The following IQSEC1 variants were observed in gnomAD, a reference collection of about 807,000 sequenced individuals.
IQSEC1 encodes the protein IQ motif and Sec7 domain ArfGEF 1, also known as IQ motif and SEC7 domain-containing protein 1.
Under a neutral mutation model 91.0 loss-of-function variants are expected in IQSEC1, and 31 were observed. The observed-to-expected ratio is 0.34, with a 90% CI of 0.26 to 0.46. The LOEUF (loss-of-function observed/expected upper bound fraction) is 0.46. IQSEC1 is among the 20% of genes least tolerant of loss of function. The pLI, the probability that IQSEC1 is intolerant of heterozygous loss-of-function variation, is 1.00. For missense variants in IQSEC1, 1,388 were observed against 1,575.6 expected (o/e 0.88, Z 2.02); for synonymous variants, 699 against 662.6 (o/e 1.05, Z -0.84).
intron 9 of IQSEC1, 143 bp from the exon 10 acceptor site, chr3:12,911,871 C>T: frequency 1.5e-6 from 1 of 671,628 alleles, no homozygotes; most frequent in South Asian, 1.6e-5. Context: ...TGGGCTTCCA[C>T]TCCAAGACTC....
At chr3:12,984,094 C>T (rs1701605144) in intron 1 of IQSEC1, among the ~76,000 whole-genome samples, 1 of 152,160 alleles carries the variant, frequency 6.6e-6, no homozygotes, top group Non-Finnish European at 1.5e-5. Flanking sequence ...GGCCATCCTC[C>T]AGCCCCCAAG....
At chr3:13,143,937 C>T (rs1706842394) in intron 2 of IQSEC1, among the ~76,000 whole-genome samples, 1 of 152,210 alleles carries the variant, frequency 6.6e-6, no homozygotes. Context: ...ATTGGGTTTT[C>T]TGTCCCCGGT....
At chr3:13,058,667 G>T (rs999046824) in intron 1 of IQSEC1, among the ~76,000 whole-genome samples, 2 of 152,210 alleles carry the variant, frequency 1.3e-5, no homozygotes, top group African/African-American at 4.8e-5. Flanking sequence ...GTACAAGGGT[G>T]TGCTGGTTTC....
chr3:13,132,373 C>T (rs1031090914), intron 2 of IQSEC1, among the ~76,000 whole-genome samples: 1 of 152,214 alleles, frequency 6.6e-6, no homozygotes, highest in African/African-American at 2.4e-5. Context: ...TCTCTGATTT[C>T]TTTTGGATAG....
At chr3:13,276,144 A>G in intron 1 of IQSEC1, among the ~76,000 whole-genome samples, 1 of 119,700 alleles carries the variant, frequency 8.4e-6, no homozygotes, top group East Asian at 3.1e-4. Context: ...GCTGGAGTGC[A>G]ATGGCGTGAT....
At chr3:12,964,299 TACACAC>T (rs3072719) in intron 1 of IQSEC1, among the ~76,000 whole-genome samples, 11 of 149,740 alleles carry the variant, frequency 7.3e-5, no homozygotes, top group Middle Eastern at 3.4e-3. Flanking sequence ...ATACTCCCCC[TACACAC>T]ACACACACAC....
intron 2 of IQSEC1, among the ~76,000 whole-genome samples, chr3:13,136,911 AG>A (rs1294215966): frequency 6.6e-6 from 1 of 152,206 alleles, no homozygotes; most frequent in African/African-American, 2.4e-5. Flanking sequence ...CCAAAGTAGG[AG>A]GAACACTTGG....
At position 13,097,006 on chromosome 3, in the gene IQSEC1, G is replaced by A. The variant is rs1362427219; in HGVS notation, c.303-49484C>T. On this transcript the variant is annotated intron_variant, in intron 2 of 15. Transcript: ENST00000648114. ...CTCCCAAGTAGCTGGGACTACAGGC[G>A]CCCGCCACCACGCCTGGCTAATTTT... is the stretch of plus-strand genomic sequence containing the variant. Among the ~76,000 whole-genome samples the A allele has an allele frequency of 4.6e-5, 7 of 152,050 alleles. No individual in the cohort carries two copies. In the East Asian group the frequency reaches 5.8e-4, roughly 13 times the overall value.
upstream of IQSEC1, among the ~76,000 whole-genome samples, chr3:13,078,186 C>T (rs1705592809): frequency 6.6e-6 from 1 of 152,122 alleles, no homozygotes; most frequent in African/African-American, 2.4e-5. Context: ...GTCCTGCTCC[C>T]CTGGGGAGAG....
chr3:13,073,573 G>T (rs1017816916), upstream of IQSEC1, among the ~76,000 whole-genome samples: 2 of 151,858 alleles, frequency 1.3e-5, no homozygotes, highest in South Asian at 4.1e-4. Flanking sequence ...GCGCCCTCGC[G>T]GCAAAGTCAC....
intron 1 of IQSEC1, among the ~76,000 whole-genome samples, chr3:13,244,594 T>C (rs1385383303): frequency 6.6e-6 from 1 of 152,166 alleles, no homozygotes; most frequent in Non-Finnish European, 1.5e-5. Flanking sequence ...TCAAAAAATG[T>C]CTGGTTCAGG....
chr3:13,234,333 G>A (rs1234935773), intron 1 of IQSEC1, among the ~76,000 whole-genome samples: 2 of 133,704 alleles, frequency 1.5e-5, no homozygotes, highest in Non-Finnish European at 3.3e-5. Context: ...GTGGGTGTGA[G>A]CCCTGTGTCT....
chr3:13,219,874 C>T (rs1413437401), intron 1 of IQSEC1, among the ~76,000 whole-genome samples: 2 of 152,258 alleles, frequency 1.3e-5, no homozygotes, highest in South Asian at 2.1e-4. Flanking sequence ...CTTAATGCCA[C>T]TGCTGCCCAC....
intron 12 of IQSEC1, among the ~76,000 whole-genome samples, chr3:12,907,627 A>G (rs1214266926): frequency 6.6e-6 from 1 of 152,168 alleles, no homozygotes; most frequent in Admixed American, 6.5e-5. Context: ...CCTGCCCCAC[A>G]AGGGAGAGCC....
intron 5 of IQSEC1, among the ~76,000 whole-genome samples, chr3:12,921,353 C>T (rs527876651): frequency 2.8e-4 from 42 of 152,302 alleles, no homozygotes; most frequent in African/African-American, 9.6e-4. Flanking sequence ...TCTGTGTCCT[C>T]GATCCTCCTG....
At chr3:13,263,190 CAG>C (rs1695418557) in intron 1 of IQSEC1, among the ~76,000 whole-genome samples, 2 of 151,974 alleles carry the variant, frequency 1.3e-5, no homozygotes, top group Admixed American at 1.3e-4. Flanking sequence ...GCAGAGGTTG[CAG>C]TGAGCCATAT....
At position 12,936,479 on chromosome 3, in the gene IQSEC1, C is replaced by T. The variant is rs1297126039; in HGVS notation, c.537G>A (p.Glu179=). The T allele has an allele frequency of 6.2e-6, 10 of 1,611,934 alleles. No individual in the cohort carries two copies. The highest frequency in any genetic ancestry group is 8.5e-6 in the Non-Finnish European group (10 of 1,178,808). Residue 179 remains glutamate (E), a synonymous_variant, in exon 3 of 14, where the codon GAG becomes GAA. Coordinates refer to ENST00000613206, the MANE Select transcript of IQSEC1 (RefSeq NM_001134382.3). ...CGTTAGTCACTGAGACCTGCTTCCC[C>T]TCGAAGTAGGAGCTGTGCACTTTCT... ...GPEKVHSSYF[E]GKQVSVTNDG... is the part of the protein sequence containing the mutation.
intron 2 of IQSEC1, among the ~76,000 whole-genome samples, chr3:13,146,668 C>T (rs1343547000): frequency 3.3e-5 from 5 of 152,166 alleles, no homozygotes; most frequent in East Asian, 1.9e-4. Flanking sequence ...GGCGAAGCTC[C>T]GTGTCTACTA....
At chr3:13,175,858 A>C (rs1693718035) in intron 1 of IQSEC1, among the ~76,000 whole-genome samples, 1 of 152,162 alleles carries the variant, frequency 6.6e-6, no homozygotes, top group South Asian at 2.1e-4. Context: ...CTTTATAAGG[A>C]CACAAATCCC....
Sources: gnomAD v4.1 joint callset for allele counts (sites outside exome capture counted in the v4.1 genomes callset) on GRCh38, gnomAD v4.1.1 for gene constraint, MANE v1.5 for transcripts, NCBI Gene and HGNC (gene_info 2026-07-23, HGNC 2026-07-21) for gene names.